Variants in DNAJC11 observed in about 807,000 individuals in gnomAD.
DNAJC11 encodes dnaJ homolog subfamily C member 11.
DNAJC11 carries 15 observed loss-of-function variants against 78.6 expected under a neutral mutation model. The observed-to-expected ratio is 0.19, with a 90% confidence interval of 0.13 to 0.29. DNAJC11 has a LOEUF of 0.29. Ranked by LOEUF, DNAJC11 falls within the 10% of genes least tolerant of loss-of-function variation. The probability of loss-of-function intolerance (pLI) is 1.00; values close to 1 mark genes in which losing one functional copy is unlikely to be tolerated. For synonymous variants in DNAJC11, 292 were observed against 272.1 expected, an observed-to-expected ratio of 1.07 and a Z score of -0.72; for missense variants, 547 against 709.6, an observed-to-expected ratio of 0.77 and a Z score of 2.60.
At chr1:6,643,249 A>G (rs1641906457) in intron 10 of DNAJC11, among the ~76,000 whole-genome samples, 1 of 151,694 alleles carries the variant, frequency 6.6e-6, no homozygotes, top group Admixed American at 6.6e-5. Flanking sequence ...TTTAGAAAGA[A>G]AGAAGACGGA....
At position 6,689,048 on chromosome 1, in the gene DNAJC11, G is replaced by C. The variant is rs142579289; in HGVS notation, c.73-8011C>G. 1.5e-3 allele frequency among the ~76,000 whole-genome samples: 227 copies of C among 152,224 alleles called. 2 individuals carry two copies. The highest frequency in any genetic ancestry group is 5.2e-3 in the African/African-American group (214 of 41,524). On this transcript the variant is annotated intron_variant, in intron 1 of 15. Transcript: ENST00000377577. ...ATACACAAAACATCTAATTTATACAGGGCTTTAAAAATGGAGCCAAGGAGT... is the reference window on the plus strand; with the variant it reads ...ATACACAAAACATCTAATTTATACACGGCTTTAAAAATGGAGCCAAGGAGT...
chr1:6,677,250 T>A (rs960513056), intron 3 of DNAJC11, among the ~76,000 whole-genome samples: 8 of 152,000 alleles, frequency 5.3e-5, no homozygotes, highest in Non-Finnish European at 8.8e-5. Context: ...CAATTCAATG[T>A]TATTAAACAG....
At chr1:6,658,412 A>G (rs1419350928) in intron 4 of DNAJC11, among the ~76,000 whole-genome samples, 1 of 152,218 alleles carries the variant, frequency 6.6e-6, no homozygotes, top group Non-Finnish European at 1.5e-5. Context: ...GGTCACCGCA[A>G]TGTATATAGT....
At chr1:6,636,961 G>C (rs902026119) in intron 14 of DNAJC11, among the ~76,000 whole-genome samples, 1 of 152,100 alleles carries the variant, frequency 6.6e-6, no homozygotes, top group African/African-American at 2.4e-5. Context: ...CAATCCTTCC[G>C]CTTCAGCCTC....
At chr1:6,655,838 T>G (rs1206792805) in intron 4 of DNAJC11, among the ~76,000 whole-genome samples, 2 of 150,516 alleles carry the variant, frequency 1.3e-5, no homozygotes, top group Non-Finnish European at 2.9e-5. Flanking sequence ...GTGTGGTGGC[T>G]CATGCCTGTA....
intron 1 of DNAJC11, among the ~76,000 whole-genome samples, chr1:6,690,387 C>T (rs1324031530): frequency 1.3e-5 from 2 of 152,198 alleles, no homozygotes; most frequent in Non-Finnish European, 2.9e-5. Flanking sequence ...AGCTCTACGA[C>T]AGTAAAACTG....
chr1:6,650,536 A>C (rs1365929755), intron 7 of DNAJC11, among the ~76,000 whole-genome samples: 1 of 152,134 alleles, frequency 6.6e-6, no homozygotes, highest in Non-Finnish European at 1.5e-5. Flanking sequence ...ATTGCACTCT[A>C]GCCTAGGCAA....
rs928170904 is a variant in DNAJC11, at chr1:6,653,902, G to T, written c.507+9C>A. 6.2e-7 allele frequency: 1 copy of T among 1,611,342 alleles called. No homozygotes were observed. The highest frequency in any genetic ancestry group is 8.5e-7 in the Non-Finnish European group (1 of 1,177,932). ...TTGCTGTACTCGGAGAGGTGGTTGTGTGCTTTACCTCAATGGACTGGGATA... is the reference window on the plus strand; with the variant it reads ...TTGCTGTACTCGGAGAGGTGGTTGTTTGCTTTACCTCAATGGACTGGGATA... On this transcript the variant is annotated intron_variant, in intron 5 of 15. Transcript: ENST00000377577. The surrounding 1 kb of genome is among the most constrained non-coding windows in gnomAD (Gnocchi z 4.5).
chr1:6,699,060 C>G lies in DNAJC11; in HGVS notation c.72+2669G>C, dbSNP rs1427061344. Reference sequence around the variant, plus strand: ...GTGGTTCATGCCTGTAATCCCGGCACTTTGGGAGGCAGAGGTGGGAGGATC... The same window carrying G: ...GTGGTTCATGCCTGTAATCCCGGCAGTTTGGGAGGCAGAGGTGGGAGGATC... On this transcript the variant is annotated intron_variant, in intron 1 of 15. Transcript: ENST00000377577. Among the ~76,000 whole-genome samples, 3 of 151,158 alleles carry G rather than the reference C, an allele frequency of 2.0e-5. No individual in the cohort carries two copies. In the East Asian group the frequency reaches 5.8e-4, roughly 29 times the overall value.
chr1:6,664,671 T>C (rs1361167120), intron 4 of DNAJC11, among the ~76,000 whole-genome samples: 1 of 152,236 alleles, frequency 6.6e-6, no homozygotes, highest in Non-Finnish European at 1.5e-5. Context: ...AGTACCACTT[T>C]GCATTTATAT....
chr1:6,642,567 C>T (rs536709565), intron 10 of DNAJC11, among the ~76,000 whole-genome samples: 119 of 152,228 alleles, frequency 7.8e-4, no homozygotes, highest in African/African-American at 2.7e-3. Context: ...AGGCTGGGCG[C>T]TGTGGCTCAC....
intron 1 of DNAJC11, among the ~76,000 whole-genome samples, chr1:6,699,523 G>T (rs1642891374): frequency 6.6e-6 from 1 of 152,140 alleles, no homozygotes; most frequent in Non-Finnish European, 1.5e-5. Context: ...AAGTACGAAT[G>T]ATTTCAGAAA....
Position 6,680,981 on chromosome 1 carries a change from T to G in DNAJC11, c.129A>C (p.Pro43=). ...AYRRLCMLYH[P]DKHRDPELKS... ...TGAGCTCTGGGTCTCTGTGCTTGTCTGGATGGTAGAGCATACAGAGCCTCC... is the reference window on the plus strand; with the variant it reads ...TGAGCTCTGGGTCTCTGTGCTTGTCGGGATGGTAGAGCATACAGAGCCTCC... The change falls in exon 2 of 16, where the codon CCA becomes CCC. Residue 43 remains proline, a synonymous_variant. Coordinates refer to ENST00000377577, the MANE Select transcript of DNAJC11 (RefSeq NM_018198.4). The surrounding 1 kb of genome is among the most constrained non-coding windows in gnomAD (Gnocchi z 4.0). 2 of 1,614,160 alleles carry G rather than the reference T, an allele frequency of 1.2e-6. No individual in the cohort carries two copies. Among genetic ancestry groups the G allele is most frequent in the Non-Finnish European group, 8.5e-7 (1 of 1,180,004 alleles).
Position 6,653,996 on chromosome 1 carries a change from C to CG in DNAJC11, c.421dup (p.Arg141ProfsTer3). On this transcript the variant is annotated frameshift_variant, in exon 5 of 16. Transcript: ENST00000377577. LOFTEE classifies it high-confidence loss of function. This position sits in a 1 kb window ranked among gnomAD's most constrained non-coding sequence, Gnocchi z 4.5. ...CACATCTTCATACTCCTCATCATAG[C>CG]GATCAAAAAGGTCGGTGGCATCTAC... 1 of 1,613,518 alleles carries CG rather than the reference C, an allele frequency of 6.2e-7. No individual in the cohort carries two copies. The highest frequency in any genetic ancestry group is 8.5e-7 in the Non-Finnish European group (1 of 1,179,602).
rs12738951 is a variant in DNAJC11, at chr1:6,655,456, C to T, written c.379-1417G>A. Reference sequence around the variant, plus strand: ...AAAATTTACAAATTTTTTATATTCACAGAGTAACAGCATGAACACATCTCT... The same window carrying T: ...AAAATTTACAAATTTTTTATATTCATAGAGTAACAGCATGAACACATCTCT... On this transcript the variant is annotated intron_variant, in intron 4 of 15. Coordinates refer to ENST00000377577, the MANE Select transcript of DNAJC11 (RefSeq NM_018198.4). Among the ~76,000 whole-genome samples the T allele has an allele frequency of 5.7e-3, 871 of 152,276 alleles. 3 individuals are homozygous for T. Among genetic ancestry groups the T allele is most frequent in the Middle Eastern group, 0.027 (8 of 294 alleles).
intron 3 of DNAJC11, among the ~76,000 whole-genome samples, chr1:6,676,855 G>A (rs143539453): frequency 6.6e-6 from 1 of 152,236 alleles, no homozygotes; most frequent in African/African-American, 2.4e-5. Context: ...GGAAGAGACA[G>A]GCACGCATGC....
At chr1:6,646,400 T>C (rs1221704935) in intron 7 of DNAJC11, among the ~76,000 whole-genome samples, 1 of 152,210 alleles carries the variant, frequency 6.6e-6, no homozygotes, top group African/African-American at 2.4e-5. Flanking sequence ...AAATCACGGC[T>C]GGTGGCTTCT....
rs571440451 is a variant in DNAJC11, at chr1:6,639,219, C to T, written c.1253+683G>A. ...CTGTGACTTTCAAGACTCTAGTTAA[C>T]GCAGGCCCCTCACATACGGATCCAG... is the stretch of plus-strand genomic sequence containing the variant. On this transcript the variant is annotated intron_variant, in intron 11 of 15. Transcript: ENST00000377577. Among the ~76,000 whole-genome samples the T allele has an allele frequency of 2.6e-4, 39 of 151,632 alleles. No individual in the cohort carries two copies. In the South Asian group the frequency reaches 7.3e-3, roughly 28 times the overall value.
intron 4 of DNAJC11, 104 bp from the exon 5 acceptor site, chr1:6,654,143 G>C: frequency 2.8e-6 from 4 of 1,442,592 alleles, no homozygotes; most frequent in Non-Finnish European, 3.8e-6. Flanking sequence ...CAAGTCATTT[G>C]ACTTCAGGGT....
Sources: allele counts gnomAD v4.1 joint callset (sites outside exome capture counted in the v4.1 genomes callset), GRCh38; gene constraint gnomAD v4.1.1; non-coding constraint Gnocchi (gnomAD v3.1); transcripts MANE v1.5; gene names NCBI Gene and HGNC (gene_info 2026-07-23, HGNC 2026-07-21).